Variants in LINGO1 observed in about 807,000 individuals in gnomAD.
LINGO1 encodes leucine rich repeat and Ig domain containing 1.
Under a neutral mutation model 37.3 loss-of-function variants are expected in LINGO1, and 11 were observed. The observed-to-expected ratio is 0.29, with a 90% CI of 0.19 to 0.49. LINGO1 has a LOEUF of 0.49. Ranked by LOEUF, LINGO1 falls within the 20% of genes least tolerant of loss-of-function variation. The probability of loss-of-function intolerance (pLI) is 0.99; values close to 1 mark genes in which losing one functional copy is unlikely to be tolerated. For missense variants in LINGO1, 585 were observed against 878.2 expected, an observed-to-expected ratio of 0.67 and a Z score of 4.22; for synonymous variants, 387 against 403.0, an observed-to-expected ratio of 0.96 and a Z score of 0.48.
At chr15:77,693,832 C>T (rs1000010605) in intron 1 of LINGO1, among the ~76,000 whole-genome samples, 1 of 152,108 alleles carries the variant, frequency 6.6e-6, no homozygotes, top group Non-Finnish European at 1.5e-5. Flanking sequence ...AAGGAAGACT[C>T]GTGGAGCTTC....
At chr15:77,787,996 G>A (rs946316521), upstream of LINGO1, 8 of 152,026 alleles carry the variant, frequency 5.3e-5, no homozygotes, top group East Asian at 5.8e-4. Flanking sequence ...AGGCAGCCTC[G>A]TGCCACCGCA....
At chr15:77,734,369 AC>A (rs2076182517) in intron 2 of LINGO1, among the ~76,000 whole-genome samples, 1 of 151,554 alleles carries the variant, frequency 6.6e-6, no homozygotes, top group Non-Finnish European at 1.5e-5. Flanking sequence ...AAAACCAGAA[AC>A]CCTCCCTGTA....
intron 3 of LINGO1, among the ~76,000 whole-genome samples, chr15:77,668,802 C>T (rs1219772675): frequency 6.7e-6 from 1 of 149,304 alleles, no homozygotes; most frequent in African/African-American, 2.5e-5. Context: ...TACACACACA[C>T]ACACACACAC....
At chr15:77,771,889 G>A (rs554292010) in intron 1 of LINGO1, among the ~76,000 whole-genome samples, 119 of 152,270 alleles carry the variant, frequency 7.8e-4, no homozygotes, top group Middle Eastern at 3.4e-3. Context: ...CCCCGAGGTC[G>A]CCTGCCCTCA....
At chr15:77,783,771 CA>C (rs982752886) in intron 1 of LINGO1, among the ~76,000 whole-genome samples, 1 of 152,188 alleles carries the variant, frequency 6.6e-6, no homozygotes, top group African/African-American at 2.4e-5. Flanking sequence ...GTCCCAGAGT[CA>C]GAAAGCAGGG....
At chr15:77,716,460 G>T (rs1209911662) in intron 2 of LINGO1, among the ~76,000 whole-genome samples, 1 of 149,018 alleles carries the variant, frequency 6.7e-6, no homozygotes, top group African/African-American at 2.4e-5. Context: ...CCTCTCACTA[G>T]TCCTGCAGGG....
intron 1 of LINGO1, among the ~76,000 whole-genome samples, chr15:77,771,944 C>G (rs543430693): frequency 1.3e-5 from 2 of 152,250 alleles, no homozygotes; most frequent in Non-Finnish European, 2.9e-5. Context: ...CCATCCCCCT[C>G]CAGCCTGGCT....
chr15:77,687,188 C>G (rs2075525817), intron 2 of LINGO1, among the ~76,000 whole-genome samples: 3 of 151,414 alleles, frequency 2.0e-5, no homozygotes, highest in Admixed American at 2.0e-4. Context: ...TCAGGGCTTA[C>G]TGTAGGACCA....
chr15:77,771,479 G>A (rs897761127), intron 1 of LINGO1, among the ~76,000 whole-genome samples: 9 of 152,156 alleles, frequency 5.9e-5, no homozygotes, highest in Non-Finnish European at 8.8e-5. Flanking sequence ...GCAAGAGTCT[G>A]CAATAGACTC....
intron 2 of LINGO1, among the ~76,000 whole-genome samples, chr15:77,714,842 G>T (rs1254892456): frequency 6.6e-6 from 1 of 152,206 alleles, no homozygotes; most frequent in East Asian, 1.9e-4. Flanking sequence ...CTGATACCCA[G>T]ATGACTCGAT....
chr15:77,731,890 G>A (rs1218670316), intron 2 of LINGO1, among the ~76,000 whole-genome samples: 1 of 152,150 alleles, frequency 6.6e-6, no homozygotes, highest in Non-Finnish European at 1.5e-5. Context: ...GAGGGAGACA[G>A]CAGGGAAGAA....
chr15:77,628,393 A>G (rs11852680), intron 1 of LINGO1, among the ~76,000 whole-genome samples: 29,901 of 152,012 alleles, frequency 0.2, 6,386 homozygotes, highest in African/African-American at 0.54. Context: ...TACAACTACT[A>G]TTATTCACAA....
rs1306575800 is a variant in LINGO1, at chr15:77,632,784, C to A, written c.-469G>T. On this transcript the variant is annotated 5_prime_UTR_variant, in exon 1 of 2. Transcript: ENST00000355300. The surrounding 1 kb of genome is among the most constrained non-coding windows in gnomAD (Gnocchi z 6.0). ...GAGCGGCGCGGGTGGGGACTCCGCGCCCTCCGGGGCCGGGACCAGGACCCA... is the reference window on the plus strand; with the variant it reads ...GAGCGGCGCGGGTGGGGACTCCGCGACCTCCGGGGCCGGGACCAGGACCCA... Among the ~76,000 whole-genome samples the A allele has an allele frequency of 6.8e-6, 1 of 146,306 alleles. No homozygotes were observed. The highest frequency in any genetic ancestry group is 1.5e-5 in the Non-Finnish European group (1 of 65,884).
intron 2 of LINGO1, among the ~76,000 whole-genome samples, chr15:77,709,218 G>A (rs902964400): frequency 6.6e-6 from 1 of 152,208 alleles, no homozygotes; most frequent in African/African-American, 2.4e-5. Context: ...TCTAACAACT[G>A]CAACTATCTG....
chr15:77,765,792 G>C (rs1018864894), intron 1 of LINGO1, among the ~76,000 whole-genome samples: 2 of 152,192 alleles, frequency 1.3e-5, no homozygotes, highest in Admixed American at 6.5e-5. Context: ...AAGAATCAGA[G>C]TCCTTCTAGG....
At chr15:77,753,330 A>C (rs2076389163) in intron 1 of LINGO1, among the ~76,000 whole-genome samples, 1 of 152,206 alleles carries the variant, frequency 6.6e-6, no homozygotes, top group Non-Finnish European at 1.5e-5. Flanking sequence ...CCCTTGGATA[A>C]GTCACTGGCA....
At chr15:77,680,356 C>G (rs534202082) in intron 2 of LINGO1, among the ~76,000 whole-genome samples, 1 of 152,322 alleles carries the variant, frequency 6.6e-6, no homozygotes, top group South Asian at 2.1e-4. Flanking sequence ...TGCAGCACAA[C>G]CTTGCCTATC....
At chr15:77,819,711 G>A (rs2077082366) in intron 1 of LINGO1, among the ~76,000 whole-genome samples, 1 of 151,008 alleles carries the variant, frequency 6.6e-6, no homozygotes, top group Admixed American at 6.6e-5. Flanking sequence ...GGGACCCGCC[G>A]GCCTTAGGTG....
intron 1 of LINGO1, among the ~76,000 whole-genome samples, chr15:77,772,898 C>T (rs946697692): frequency 2.0e-5 from 3 of 152,202 alleles, no homozygotes; most frequent in Non-Finnish European, 4.4e-5. Flanking sequence ...TAGCAGGAAC[C>T]AGCTTCGGCT....
Sources: gnomAD v4.1 joint callset for allele counts (sites outside exome capture counted in the v4.1 genomes callset) on GRCh38, gnomAD v4.1.1 for gene constraint, Gnocchi (gnomAD v3.1) non-coding constraint, MANE v1.5 for transcripts, NCBI Gene and HGNC (gene_info 2026-07-23, HGNC 2026-07-21) for gene names.